Variants in CCSER1 observed in about 807,000 individuals in gnomAD.
CCSER1 encodes the protein serine-rich coiled-coil domain-containing protein 1.
In CCSER1, 41 loss-of-function variants were observed where a neutral mutation model predicts 82.0. That is an observed-to-expected ratio of 0.50 (90% CI 0.39 to 0.65). The LOEUF (loss-of-function observed/expected upper bound fraction) is 0.65. CCSER1 is among the 30% of genes least tolerant of loss of function. CCSER1 has a pLI of 0.00. For missense variants in CCSER1, 1,119 were observed against 1,064.2 expected (o/e 1.05, Z -0.72); for synonymous variants, 414 against 383.9 (o/e 1.08, Z -0.92).
intron 10 of CCSER1, among the ~76,000 whole-genome samples, chr4:91,573,338 C>A (rs1466294625): frequency 1.3e-5 from 2 of 152,152 alleles, no homozygotes; most frequent in African/African-American, 4.8e-5. Context: ...GGAAGTAAAT[C>A]CTGCAGGCTG....
At chr4:90,485,518 A>AC (rs766257489) in intron 5 of CCSER1, among the ~76,000 whole-genome samples, 6,111 of 93,444 alleles carry the variant, frequency 0.065, 144 homozygotes, top group Non-Finnish European at 0.097. Flanking sequence ...TCTTGGCTCC[A>AC]CCCCCCCCCC....
At chr4:91,094,025 C>T (rs767740595) in intron 10 of CCSER1, among the ~76,000 whole-genome samples, 3 of 152,198 alleles carry the variant, frequency 2.0e-5, no homozygotes, top group Admixed American at 6.5e-5. Context: ...TCCCAGGTAG[C>T]GTACCTGCTG....
At chr4:91,503,913 G>C (rs578182019) in intron 10 of CCSER1, among the ~76,000 whole-genome samples, 7 of 152,246 alleles carry the variant, frequency 4.6e-5, no homozygotes, top group Non-Finnish European at 1.0e-4. Flanking sequence ...CATTGGCGGG[G>C]TATAATGGAG....
At chr4:90,492,728 T>C (rs1348650882) in intron 5 of CCSER1, among the ~76,000 whole-genome samples, 1 of 152,220 alleles carries the variant, frequency 6.6e-6, no homozygotes, top group Admixed American at 6.5e-5. Flanking sequence ...GTCTTTGTTC[T>C]CATTGGTTTC....
intron 10 of CCSER1, among the ~76,000 whole-genome samples, chr4:91,533,672 C>T (rs571751864): frequency 1.3e-5 from 2 of 151,918 alleles, no homozygotes; most frequent in African/African-American, 4.8e-5. Context: ...AATTTGAAAA[C>T]CCCTTTTGTT....
chr4:90,894,899 G>A (rs1408847172), intron 8 of CCSER1, among the ~76,000 whole-genome samples: 1 of 151,888 alleles, frequency 6.6e-6, no homozygotes, highest in Non-Finnish European at 1.5e-5. Context: ...TTAAAATTAT[G>A]CTCTGACAGT....
intron 10 of CCSER1, among the ~76,000 whole-genome samples, chr4:91,280,995 G>A (rs1742871672): frequency 6.6e-6 from 1 of 152,122 alleles, no homozygotes; most frequent in African/African-American, 2.4e-5. Flanking sequence ...AATGTCATTG[G>A]GTGGTCTCTG....
chr4:90,339,286 T>C (rs1456202546), intron 3 of CCSER1, among the ~76,000 whole-genome samples: 1 of 152,182 alleles, frequency 6.6e-6, no homozygotes, highest in Non-Finnish European at 1.5e-5. Context: ...GTCATTGCCA[T>C]ATGTCGGGGT....
At chr4:91,013,695 C>T (rs1429959896) in intron 9 of CCSER1, among the ~76,000 whole-genome samples, 2 of 127,612 alleles carry the variant, frequency 1.6e-5, no homozygotes, top group African/African-American at 5.1e-5. Flanking sequence ...CTCCGCCTCC[C>T]GGGTTCACGC....
At position 90,134,476 on chromosome 4, in the gene CCSER1, C is replaced by G. The variant is rs1012909819; in HGVS notation, c.-42+6645C>G. Among the ~76,000 whole-genome samples, 52 of 152,332 alleles carry G rather than the reference C, an allele frequency of 3.4e-4. 1 individual carries two copies. Among genetic ancestry groups the G allele is most frequent in the African/African-American group, 1.1e-3 (46 of 41,580 alleles). ...GATATTGTGCACTCTCAGTGCCATT[C>G]AACCACACTTCTCTTACTCTATTTA... is the stretch of plus-strand genomic sequence containing the variant. On this transcript the variant is annotated intron_variant, in intron 1 of 10. Coordinates refer to ENST00000509176, the MANE Select transcript of CCSER1 (RefSeq NM_001145065.2).
chr4:90,324,816 A>T (rs1260538231), intron 3 of CCSER1, among the ~76,000 whole-genome samples: 4 of 152,172 alleles, frequency 2.6e-5, no homozygotes, highest in African/African-American at 9.7e-5. Flanking sequence ...CTAAAGTTTA[A>T]GTCTTTAATC....
At chr4:90,161,508 T>A (rs932227398) in intron 1 of CCSER1, among the ~76,000 whole-genome samples, 1 of 152,088 alleles carries the variant, frequency 6.6e-6, no homozygotes, top group Admixed American at 6.6e-5. Flanking sequence ...TTTAAAACTA[T>A]TAACCATTAA....
chr4:91,150,158 G>T (rs558375015), intron 10 of CCSER1, among the ~76,000 whole-genome samples: 1 of 152,142 alleles, frequency 6.6e-6, no homozygotes, highest in Non-Finnish European at 1.5e-5. Context: ...ATTTCGTTGA[G>T]CAGTGGTTTG....
chr4:91,092,617 C>T (rs1304211016), intron 10 of CCSER1, among the ~76,000 whole-genome samples: 1 of 152,182 alleles, frequency 6.6e-6, no homozygotes, highest in Non-Finnish European at 1.5e-5. Context: ...TCAAGTGACT[C>T]CTGGCCTAAA....
intron 10 of CCSER1, among the ~76,000 whole-genome samples, chr4:91,590,749 G>C (rs1482367204): frequency 6.6e-6 from 1 of 152,036 alleles, no homozygotes; most frequent in East Asian, 1.9e-4. Flanking sequence ...GATTGATTTA[G>C]TAAAGGAGAT....
At chr4:91,340,719 T>C (rs184997828) in intron 10 of CCSER1, among the ~76,000 whole-genome samples, 72 of 152,298 alleles carry the variant, frequency 4.7e-4, no homozygotes, top group African/African-American at 1.6e-3. Context: ...ATACATCTGT[T>C]TAATTGTTAG....
rs1735949525 is a variant in CCSER1 at position 90,193,070 on chromosome 4, A to G, written c.-42+65239A>G. On this transcript the variant is annotated intron_variant, in intron 1 of 10. Transcript: ENST00000509176. ...GGAGCAAGTCCTACATATCCGTGGT[A>G]GCAACATGTTATTTTCTAATGTTCA... Among the ~76,000 whole-genome samples the G allele has an allele frequency of 3.9e-5, 6 of 152,110 alleles. 1 individual carries two copies. Among genetic ancestry groups the G allele is most frequent in the Admixed American group, 3.3e-4 (5 of 15,248 alleles).
intron 10 of CCSER1, among the ~76,000 whole-genome samples, chr4:91,168,343 T>G (rs1732374902): frequency 1.5e-5 from 2 of 135,014 alleles, no homozygotes; most frequent in African/African-American, 5.8e-5. Flanking sequence ...CTCTGGGAAG[T>G]GAGGAGCGCC....
intron 6 of CCSER1, among the ~76,000 whole-genome samples, chr4:90,709,629 G>T (rs1490041691): frequency 1.3e-5 from 2 of 151,994 alleles, no homozygotes; most frequent in African/African-American, 4.8e-5. Flanking sequence ...CTTTTTTATG[G>T]CTGCATAGTA....
Sources: allele counts gnomAD v4.1 joint callset (sites outside exome capture counted in the v4.1 genomes callset), GRCh38; gene constraint gnomAD v4.1.1; transcripts MANE v1.5; gene names NCBI Gene and HGNC (gene_info 2026-07-23, HGNC 2026-07-21).